APOO: variants seen among roughly 807,000 people sequenced by gnomAD.
APOO encodes MICOS complex subunit MIC26.
Under a neutral mutation model 23.1 loss-of-function variants are expected in APOO, and 11 were observed. The observed-to-expected ratio is 0.48, with a 90% CI of 0.30 to 0.79. APOO has a LOEUF of 0.79. Ranked by LOEUF, APOO falls within the 30% of genes least tolerant of loss-of-function variation. The pLI, the probability that APOO is intolerant of heterozygous loss-of-function variation, is 0.07. For missense variants in APOO, 160 were observed against 142.7 expected, an observed-to-expected ratio of 1.12 and a Z score of -0.62; for synonymous variants, 59 against 54.8, an observed-to-expected ratio of 1.08 and a Z score of -0.34.
In APOO at chrX:23,874,466, G is replaced by GTTT; in HGVS notation, c.238-10_238-9insAAA. 1 of 1,199,311 alleles carries GTTT rather than the reference G, an allele frequency of 8.3e-7. No homozygotes were observed. Among genetic ancestry groups the GTTT allele is most frequent in the Non-Finnish European group, 1.1e-6 (1 of 884,596 alleles). ...GTTTGGGAGTACGTTTCCTAAAAAG[G>GTTT]TAAAAAGAAACTGAATGAAACTATT... On this transcript the variant is annotated splice_polypyrimidine_tract_variant and intron_variant, in intron 3 of 8. Coordinates refer to ENST00000379226, the MANE Select transcript of APOO (RefSeq NM_024122.5).
Position 23,858,749 on chromosome X carries a change from T to C in APOO, c.389-16A>G, listed in dbSNP as rs373181632. On this transcript the variant is annotated splice_polypyrimidine_tract_variant and intron_variant, in intron 5 of 8. Transcript: ENST00000379226. ...ATTTTTGAACCTGATAAATAAAAGG[T>C]TGTACACGCCATCAGATGATTCATT... 207 of 1,158,841 alleles carry C rather than the reference T, an allele frequency of 1.8e-4. No individual in the cohort carries two copies. The highest frequency in any genetic ancestry group is 2.4e-4 in the Non-Finnish European group (202 of 851,273).
At chrX:23,865,601 CA>C (rs60702124) in intron 5 of APOO, among the ~76,000 whole-genome samples, 44,920 of 91,237 alleles carry the variant, frequency 0.49, 11,287 homozygotes, top group African/African-American at 0.87. Flanking sequence ...AAGACTGTCT[CA>C]AAAAAAAAAA....
chrX:23,834,098 A>G (rs1471988698), intron 8 of APOO, among the ~76,000 whole-genome samples: 1 of 110,208 alleles, frequency 9.1e-6, no homozygotes, highest in East Asian at 2.9e-4. Flanking sequence ...AGACAGTTAA[A>G]CTAAGAATCA....
intron 5 of APOO, among the ~76,000 whole-genome samples, chrX:23,859,993 T>TA (rs772839809): frequency 3.6e-5 from 4 of 110,952 alleles, no homozygotes; most frequent in South Asian, 3.8e-4. Context: ...GCAACCCCGT[T>TA]AAAAAAACAG....
chrX:23,904,504 GTTT>G (rs143167112), intron 1 of APOO, among the ~76,000 whole-genome samples: 1 of 53,214 alleles, frequency 1.9e-5, no homozygotes. Context: ...GATGACACTG[GTTT>G]TTTTTTTTTT....
intron 7 of APOO, among the ~76,000 whole-genome samples, chrX:23,846,058 A>C (rs1924213194): frequency 9.0e-6 from 1 of 111,051 alleles, no homozygotes; most frequent in African/African-American, 3.3e-5. Context: ...TAATCCCAGC[A>C]CTTTGGGAGG....
rs368644552 is a variant in APOO, at chrX:23,878,911, G to A, written c.237+4C>T. On this transcript the variant is annotated splice_donor_region_variant and intron_variant, in intron 3 of 8. Transcript: ENST00000379226. ...CGTTCACTCCATTTTCAGAACAGTT[G>A]TACCTGACACCAGGTTGTGTATGGC... 174 of 1,206,788 alleles carry A rather than the reference G, an allele frequency of 1.4e-4. No individual in the cohort carries two copies. The highest frequency in any genetic ancestry group is 1.9e-4 in the Non-Finnish European group (168 of 893,521).
intron 4 of APOO, among the ~76,000 whole-genome samples, chrX:23,874,008 A>C (rs1291006797): frequency 8.9e-6 from 1 of 112,336 alleles, no homozygotes; most frequent in East Asian, 2.8e-4. Context: ...TAGGAGTACC[A>C]ACTCAGCTCC....
chrX:23,906,778 G>A (rs1927377583), intron 1 of APOO, among the ~76,000 whole-genome samples: 1 of 112,327 alleles, frequency 8.9e-6, no homozygotes, highest in African/African-American at 3.2e-5. Flanking sequence ...ACCAAAGGAA[G>A]ATAGGCACAG....
chrX:23,842,814 G>A (rs1217342654), intron 7 of APOO, among the ~76,000 whole-genome samples: 2 of 112,034 alleles, frequency 1.8e-5, no homozygotes, highest in Non-Finnish European at 3.8e-5. Flanking sequence ...TTCGAGACCA[G>A]CCTGAACAAC....
At chrX:23,862,460 G>T (rs1925099329) in intron 5 of APOO, among the ~76,000 whole-genome samples, 1 of 110,560 alleles carries the variant, frequency 9.0e-6, no homozygotes, top group African/African-American at 3.3e-5. Context: ...GAAGGAAAAA[G>T]AATGAGAGTA....
rs1924783291 is a variant in APOO, at chrX:23,856,345, C to T, written c.518G>A (p.Gly173Glu). The T allele has an allele frequency of 8.3e-7, 1 of 1,208,276 alleles. No individual in the cohort carries two copies. The highest frequency in any genetic ancestry group is 1.8e-5 in the African/African-American group (1 of 57,095). The change falls in exon 7 of 9, where the codon GGA becomes GAA. Residue 173 changes from glycine (G) to glutamate (E), a missense_variant. Transcript: ENST00000379226. ...CCACAAATCTTCTATGACTATATAT[C>T]CTCGTAAACCCCAGTCATATAATCT... Reference protein sequence around the residue: ...GERLYDWGLRGYIVIEDLWKE... With the variant: ...GERLYDWGLREYIVIEDLWKE...
chrX:23,876,825 A>C (rs944830962), intron 3 of APOO, among the ~76,000 whole-genome samples: 4 of 112,239 alleles, frequency 3.6e-5, no homozygotes, highest in Non-Finnish European at 7.5e-5. Flanking sequence ...GAACAAAAAA[A>C]CAAAATTAAA....
chrX:23,855,258 C>CT (rs765020446), intron 7 of APOO, among the ~76,000 whole-genome samples: 7 of 109,522 alleles, frequency 6.4e-5, no homozygotes, highest in Admixed American at 3.0e-4. Flanking sequence ...CTCCTGAGCT[C>CT]AAGTGATCCT....
At chrX:23,876,666 G>A (rs1206228112) in intron 3 of APOO, among the ~76,000 whole-genome samples, 1 of 110,659 alleles carries the variant, frequency 9.0e-6, no homozygotes, top group Non-Finnish European at 1.9e-5. Flanking sequence ...GGGCTTGGTA[G>A]CACACGCCTG....
chrX:23,840,161 A>G (rs1923899818), intron 8 of APOO, 152 bp downstream of exon 8: 2 of 348,006 alleles, frequency 5.7e-6, no homozygotes, highest in African/African-American at 5.5e-5. Flanking sequence ...AGTAAGTCAC[A>G]GCATTTAAGC....
At chrX:23,886,127 C>T (rs1926358840) in intron 1 of APOO, among the ~76,000 whole-genome samples, 1 of 111,493 alleles carries the variant, frequency 9.0e-6, no homozygotes, top group Non-Finnish European at 1.9e-5. Context: ...TCAAAAACAT[C>T]TCCAGACACT....
intron 1 of APOO, among the ~76,000 whole-genome samples, chrX:23,892,810 G>A (rs776308398): frequency 2.8e-5 from 3 of 105,325 alleles, no homozygotes; most frequent in African/African-American, 3.4e-5. Flanking sequence ...GTGAGCCACC[G>A]CGCCTGGCCT....
chrX:23,858,611 G>A (rs1186496573), intron 6 of APOO, 31 bp downstream of exon 6: 1 of 1,145,627 alleles, frequency 8.7e-7, no homozygotes, highest in African/African-American at 1.8e-5. Context: ...ACAAGAATGA[G>A]GGACATCATG....
Sources: gnomAD v4.1 joint callset for allele counts (sites outside exome capture counted in the v4.1 genomes callset) on GRCh38, gnomAD v4.1.1 for gene constraint, MANE v1.5 for transcripts, NCBI Gene and HGNC (gene_info 2026-07-23, HGNC 2026-07-21) for gene names.